The following PRKN variants were observed in gnomAD, a reference collection of about 807,000 sequenced individuals.
PRKN encodes the protein E3 ubiquitin-protein ligase parkin.
PRKN carries 56 observed loss-of-function variants against 59.5 expected under a neutral mutation model. The ratio of observed to expected loss-of-function variants is 0.94; its 90% confidence interval spans 0.76 to 1.18. PRKN has a LOEUF of 1.18. Among genes scored for constraint, PRKN ranks in the 50% most tolerant of loss-of-function variants. The pLI, the probability that PRKN is intolerant of heterozygous loss-of-function variation, is 0.00. For missense variants in PRKN, 657 were observed against 596.4 expected (o/e 1.10, Z -1.06); for synonymous variants, 250 against 222.1 (o/e 1.13, Z -1.12).
chr6:162,141,539 A>G lies in PRKN; in HGVS notation c.534+59592T>C, dbSNP rs193302159. On this transcript the variant is annotated intron_variant, in intron 4 of 11. Coordinates refer to ENST00000366898, the MANE Select transcript of PRKN (RefSeq NM_004562.3). ...TCAAATTAACCATTTAAATTTCAAC[A>G]TATTTTGCTTTATTGATTATGTATT... 1.8e-3 allele frequency among the ~76,000 whole-genome samples: 277 copies of G among 152,340 alleles called. 4 individuals carry two copies. The highest frequency in any genetic ancestry group is 6.3e-3 in the African/African-American group (263 of 41,580).
chr6:162,051,230 C>T (rs191488378), intron 5 of PRKN, among the ~76,000 whole-genome samples: 25 of 152,208 alleles, frequency 1.6e-4, no homozygotes, highest in Admixed American at 1.6e-3. Context: ...TGAGAAAGTT[C>T]CCACTCACTC....
At position 161,363,168 on chromosome 6, in the gene PRKN, G is replaced by A. The variant is rs148750579; in HGVS notation, c.1168-2963C>T. 6.6e-6 allele frequency among the ~76,000 whole-genome samples: 1 copy of A among 152,166 alleles called. No individual in the cohort carries two copies. The highest frequency in any genetic ancestry group is 1.9e-4 in the East Asian group (1 of 5,200). On this transcript the variant is annotated intron_variant, in intron 10 of 11. Transcript: ENST00000366898. The surrounding 1 kb of genome is among the most constrained non-coding windows in gnomAD (Gnocchi z 4.1). ...GAGGCAGGAGAAGTACCTGAACCTG[G>A]GGGGCAGAGGTTGCAGTGAGCCGAG...
rs9365298 is a variant in PRKN at position 161,538,771 on chromosome 6, T to C, written c.1083+10083A>G. ...TTTACCCAAGAAAAGCCCTATTACC[T>C]CCCAGGAGCTTGTAGAGAGATTTGA... On this transcript the variant is annotated intron_variant, in intron 9 of 11. Coordinates refer to ENST00000366898, the MANE Select transcript of PRKN (RefSeq NM_004562.3). This position sits in a 1 kb window ranked among gnomAD's most constrained non-coding sequence, Gnocchi z 4.2. Among the ~76,000 whole-genome samples the C allele has an allele frequency of 6.6e-6, 1 of 151,990 alleles. No individual in the cohort carries two copies. The highest frequency in any genetic ancestry group is 1.5e-5 in the Non-Finnish European group (1 of 67,980).
chr6:162,022,576 T>G (rs1012366970), intron 5 of PRKN, among the ~76,000 whole-genome samples: 5 of 152,216 alleles, frequency 3.3e-5, no homozygotes, highest in African/African-American at 7.2e-5. Flanking sequence ...ATATTAGTCT[T>G]TTATCCAATG....
chr6:161,635,173 A>G (rs1391551100), intron 7 of PRKN, among the ~76,000 whole-genome samples: 2 of 152,226 alleles, frequency 1.3e-5, no homozygotes, highest in African/African-American at 4.8e-5. Context: ...AAGTAGAAAA[A>G]AGAGTAGATT....
chr6:162,179,323 G>A (rs770026096), intron 4 of PRKN, among the ~76,000 whole-genome samples: 7 of 152,138 alleles, frequency 4.6e-5, no homozygotes, highest in Non-Finnish European at 7.3e-5. Context: ...TCATCAGCCC[G>A]AACCATGCTG....
At chr6:161,760,551 G>A (rs1345949110) in intron 7 of PRKN, among the ~76,000 whole-genome samples, 1 of 151,974 alleles carries the variant, frequency 6.6e-6, no homozygotes, top group Non-Finnish European at 1.5e-5. Context: ...GATTCAGGCT[G>A]AGCGCCGGAA....
chr6:161,973,746 G>T (rs1780916306), intron 5 of PRKN, among the ~76,000 whole-genome samples: 1 of 152,162 alleles, frequency 6.6e-6, no homozygotes. Context: ...GGAGGTGGGA[G>T]GAAGCCTCTC....
chr6:161,537,676 C>T lies in PRKN; in HGVS notation c.1083+11178G>A, dbSNP rs894574340. On this transcript the variant is annotated intron_variant, in intron 9 of 11. Coordinates refer to ENST00000366898, the MANE Select transcript of PRKN (RefSeq NM_004562.3). Reference sequence around the variant, plus strand: ...CCATGTTAGCCTGGATGGTCTCGATCTCCTGACCTCGTGATCCGCCCGCCT... The same window carrying T: ...CCATGTTAGCCTGGATGGTCTCGATTTCCTGACCTCGTGATCCGCCCGCCT... Among the ~76,000 whole-genome samples, 4 of 152,282 alleles carry T rather than the reference C, an allele frequency of 2.6e-5. No homozygotes were observed. The East Asian group carries it at 5.8e-4, about 22-fold the overall frequency.
chr6:161,358,459 T>G (rs1474624700), intron 11 of PRKN, among the ~76,000 whole-genome samples: 1 of 151,920 alleles, frequency 6.6e-6, no homozygotes, highest in Admixed American at 6.6e-5. Flanking sequence ...TACTAAAAAA[T>G]ATAAAAATTA....
intron 1 of PRKN, among the ~76,000 whole-genome samples, chr6:162,609,935 T>C (rs1052559450): frequency 1.3e-5 from 2 of 152,214 alleles, no homozygotes; most frequent in Non-Finnish European, 2.9e-5. Flanking sequence ...AGGGCGATTA[T>C]ACATTAATTA....
intron 6 of PRKN, among the ~76,000 whole-genome samples, chr6:161,869,141 G>A (rs2000593): frequency 0.32 from 48,209 of 152,082 alleles, 7,881 homozygotes; most frequent in African/African-American, 0.38. Context: ...CACTTTGGGA[G>A]GCCGAGGCGG....
rs796392276 is a variant in PRKN, at chr6:161,858,962, A to C, written c.735-73054T>G. Among the ~76,000 whole-genome samples, 7 of 102,482 alleles carry C rather than the reference A, an allele frequency of 6.8e-5. No individual in the cohort carries two copies. The South Asian group carries it at 2.8e-3, about 40-fold the overall frequency. The allele number at this position is 102,482 out of a possible 152,430, so 67.2% of individuals were successfully genotyped here. On this transcript the variant is annotated intron_variant, in intron 6 of 11. Transcript: ENST00000366898. The stretch of plus-strand genomic sequence containing the variant: ...CTGCAACCTCCGTCTCCTGGGTTCA[A>C]GCGATTCTCCTATTCTCCTGCCTCG...
chr6:161,729,223 C>T (rs145919184), intron 7 of PRKN, among the ~76,000 whole-genome samples: 10 of 152,208 alleles, frequency 6.6e-5, no homozygotes, highest in Non-Finnish European at 1.3e-4. Context: ...TTATACTCTC[C>T]TATATGCTTA....
chr6:162,467,929 C>T (rs918714547), intron 1 of PRKN, among the ~76,000 whole-genome samples: 4 of 152,092 alleles, frequency 2.6e-5, no homozygotes, highest in African/African-American at 9.7e-5. Flanking sequence ...CTCTTGCCTC[C>T]TATCTTTCCA....
At chr6:161,785,740 T>A (rs770833777) in intron 7 of PRKN, 32 bp downstream of exon 7, 3 of 1,609,390 alleles carry the variant, frequency 1.9e-6, no homozygotes, top group Non-Finnish European at 2.6e-6. Context: ...TTCATTAGCA[T>A]TAGAGATGGA....
chr6:162,336,771 T>C (rs1783865140), intron 2 of PRKN, among the ~76,000 whole-genome samples: 1 of 152,198 alleles, frequency 6.6e-6, no homozygotes, highest in Non-Finnish European at 1.5e-5. Flanking sequence ...GTTGGCCTAA[T>C]CTCAGGGATA....
chr6:161,720,113 A>C (rs1006789375), intron 7 of PRKN, among the ~76,000 whole-genome samples: 1 of 152,274 alleles, frequency 6.6e-6, no homozygotes, highest in Non-Finnish European at 1.5e-5. Flanking sequence ...AGTCGAAAAA[A>C]ATAATTAAGG....
intron 3 of PRKN, among the ~76,000 whole-genome samples, chr6:162,240,078 T>C (rs1303960263): frequency 6.6e-6 from 1 of 152,184 alleles, no homozygotes; most frequent in Non-Finnish European, 1.5e-5. Context: ...TGTTCACGAA[T>C]GTCAATAATC....
Sources: gnomAD v4.1 joint callset for allele counts (sites outside exome capture counted in the v4.1 genomes callset) on GRCh38, gnomAD v4.1.1 for gene constraint, Gnocchi (gnomAD v3.1) non-coding constraint, MANE v1.5 for transcripts, NCBI Gene and HGNC (gene_info 2026-07-23, HGNC 2026-07-21) for gene names.